The following NEBL variants were observed in gnomAD, a reference collection of about 807,000 sequenced individuals.
The protein encoded by NEBL is LIM and SH3 protein 2.
NEBL carries 122 observed loss-of-function variants against 140.2 expected under a neutral mutation model. The ratio of observed to expected loss-of-function variants is 0.87; its 90% confidence interval spans 0.75 to 1.01. NEBL has a LOEUF of 1.01. Among genes scored for constraint, NEBL ranks in the 50% least tolerant of loss-of-function variants. The pLI is 0.00. For synonymous variants in NEBL, 436 were observed against 398.9 expected (o/e 1.09, Z -1.11); for missense variants, 1,365 against 1,231.3 (o/e 1.11, Z -1.62).
At position 20,869,496 on chromosome 10, in the gene NEBL, ATAG is replaced by A. The variant is rs760618465; in HGVS notation, c.582+241_582+243del. Among the ~76,000 whole-genome samples, 45 of 152,298 alleles carry A rather than the reference ATAG, an allele frequency of 3.0e-4. 1 individual carries two copies. The East Asian group carries it at 6.0e-3, about 20-fold the overall frequency. ...CATCTGAATGTCAATTTATACCTAAATAGTATTTATTTCTCTAAAAGTATGATG... is the reference window on the plus strand; with the variant it reads ...CATCTGAATGTCAATTTATACCTAAATATTTATTTCTCTAAAAGTATGATG... On this transcript the variant is annotated intron_variant, in intron 6 of 27. Coordinates refer to ENST00000377122, the MANE Select transcript of NEBL (RefSeq NM_006393.3).
At chr10:21,067,680 C>G (rs889205128) in intron 2 of NEBL, among the ~76,000 whole-genome samples, 2 of 152,070 alleles carry the variant, frequency 1.3e-5, no homozygotes, top group African/African-American at 4.8e-5. Flanking sequence ...AGAACACCTT[C>G]CTATTAAAAT....
In NEBL at chr10:20,873,337, G is replaced by A. The variant is rs1233296628; in HGVS notation, c.481-3496C>T. On this transcript the variant is annotated intron_variant, in intron 5 of 27. Transcript: ENST00000377122. ...CTCTATAAATCTTGTTTTGCATAAGGACAGGGAAAAGAAGAAATCATCAAC... is the reference window on the plus strand; with the variant it reads ...CTCTATAAATCTTGTTTTGCATAAGAACAGGGAAAAGAAGAAATCATCAAC... Among the ~76,000 whole-genome samples the A allele has an allele frequency of 6.7e-4, 102 of 152,182 alleles. 2 individuals are homozygous for A. The highest frequency in any genetic ancestry group is 1.3e-4 in the Non-Finnish European group (9 of 68,022).
chr10:21,169,067 A>AAAAAAAATATATATAT (rs1554830679), intron 2 of NEBL, among the ~76,000 whole-genome samples: 1 of 23,074 alleles, frequency 4.3e-5, no homozygotes, highest in Admixed American at 7.6e-4. Context: ...AAAAAAAAAA[A>AAAAAAAATATATATAT]ATATATATAT....
chr10:20,942,609 A>G (rs1309906576), intron 4 of NEBL, among the ~76,000 whole-genome samples: 1 of 152,244 alleles, frequency 6.6e-6, no homozygotes, highest in Non-Finnish European at 1.5e-5. Context: ...TAAACTAAAG[A>G]GCTTCTGCAC....
In NEBL at chr10:21,204,466, C is replaced by T. The variant is rs115244765; in HGVS notation, n.349-31989G>A. Among the ~76,000 whole-genome samples the T allele has an allele frequency of 1.6e-3, 245 of 152,086 alleles. 1 individual carries two copies. Among genetic ancestry groups the T allele is most frequent in the African/African-American group, 5.5e-3 (230 of 41,486 alleles). Reference sequence around the variant, plus strand: ...TTCTCTCTCTCTCTCTCTTTCCATGCGCACATGATGACAGACCATATAAAG... The same window carrying T: ...TTCTCTCTCTCTCTCTCTTTCCATGTGCACATGATGACAGACCATATAAAG... On this transcript the variant is annotated intron_variant and non_coding_transcript_variant, in intron 3 of 8. Transcript: ENST00000675702.
At chr10:20,819,301 T>C (rs1410690393) in intron 20 of NEBL, 123 bp downstream of exon 20, 5 of 1,451,292 alleles carry the variant, frequency 3.4e-6, no homozygotes, top group African/African-American at 1.4e-5. Context: ...CTCATTATTA[T>C]GCAGTATTTG....
chr10:21,133,223 GC>G (rs1443745266), intron 2 of NEBL, among the ~76,000 whole-genome samples: 1 of 152,154 alleles, frequency 6.6e-6, no homozygotes, highest in Non-Finnish European at 1.5e-5. Flanking sequence ...TGAAGCTGCA[GC>G]CCTCACACCA....
Position 20,796,312 on chromosome 10 carries a change from T to C in NEBL, c.2762-9004A>G, listed in dbSNP as rs550114665. Among the ~76,000 whole-genome samples the C allele has an allele frequency of 2.9e-5, 4 of 139,238 alleles. No individual in the cohort carries two copies. The East Asian group carries it at 6.4e-4, about 22-fold the overall frequency. 91.3% of individuals were successfully genotyped at this position (139,238 alleles called of 152,430 possible). On this transcript the variant is annotated intron_variant, in intron 26 of 27. Coordinates refer to ENST00000377122, the MANE Select transcript of NEBL (RefSeq NM_006393.3). ...AGGCAGAGGTTGCAGTGAGCCGAGA[T>C]TGCACCATTGCACTCCAGCCTGGGG...
chr10:20,820,654 C>T (rs566378014), intron 19 of NEBL, among the ~76,000 whole-genome samples: 27 of 152,148 alleles, frequency 1.8e-4, no homozygotes, highest in African/African-American at 5.5e-4. Flanking sequence ...GGTGAAACCT[C>T]ATCTCTACTA....
At chr10:21,179,237 G>A (rs1841349237), upstream of NEBL, among the ~76,000 whole-genome samples, 1 of 152,116 alleles carries the variant, frequency 6.6e-6, no homozygotes, top group African/African-American at 2.4e-5. Flanking sequence ...TCGTTATTTG[G>A]GGCCTATTGC....
intron 2 of NEBL, among the ~76,000 whole-genome samples, chr10:21,167,798 T>C (rs1840846591): frequency 2.0e-5 from 3 of 152,212 alleles, no homozygotes; most frequent in Admixed American, 2.0e-4. Context: ...AATCATCAAG[T>C]GTTATTTTCT....
At chr10:20,964,361 T>C (rs2131623412) in intron 3 of NEBL, among the ~76,000 whole-genome samples, 1 of 152,106 alleles carries the variant, frequency 6.6e-6, no homozygotes. Context: ...AGAAAAGAGG[T>C]TTATTTGGCT....
At chr10:20,814,609 T>TACACACACACACACACACAC (rs1265684219) in intron 22 of NEBL, among the ~76,000 whole-genome samples, 71 of 98,372 alleles carry the variant, frequency 7.2e-4, no homozygotes, top group African/African-American at 3.3e-3. Flanking sequence ...AACACACACA[T>TACACACACACACACACACAC]ACACACATAC....
rs140633038 is a variant in NEBL at position 20,888,052 on chromosome 10, T to C, written c.369+45A>G. ...ACGCTAAGTAGCTTTTTTCCAGTTA[T>C]ATGTTTTATCTACAAAATCATGAAA... On this transcript the variant is annotated intron_variant, in intron 4 of 27. Transcript: ENST00000377122. 10 of 1,307,248 alleles carry C rather than the reference T, an allele frequency of 7.6e-6. No homozygotes were observed. The African/African-American group carries it at 1.0e-4, about 13-fold the overall frequency. The allele number at this position is 1,307,248 out of a possible 1,614,324, so 81.0% of individuals were successfully genotyped here.
chr10:21,244,513 A>G (rs896347478), intron 3 of NEBL, among the ~76,000 whole-genome samples: 14 of 151,418 alleles, frequency 9.2e-5, no homozygotes, highest in Admixed American at 5.9e-4. Flanking sequence ...TTAGCCGGGC[A>G]TGGTGGCCGG....
In NEBL at chr10:21,151,722, G is replaced by A. The variant is rs569230489; in HGVS notation, c.164+20661C>T. 3.9e-5 allele frequency among the ~76,000 whole-genome samples: 6 copies of A among 151,980 alleles called. No homozygotes were observed. In the East Asian group the frequency reaches 7.7e-4, roughly 20 times the overall value. On this transcript the variant is annotated intron_variant, in intron 2 of 6. Coordinates refer to the NEBL transcript ENST00000417816. ...TTCCCACACGCCCCAGGTTCACTCC[G>A]TGCCCTTGCTATTCCCTTGCCTATA... is the stretch of plus-strand genomic sequence containing the variant.
At chr10:20,806,921 T>A (rs1837664826) in intron 26 of NEBL, among the ~76,000 whole-genome samples, 1 of 152,228 alleles carries the variant, frequency 6.6e-6, no homozygotes, top group African/African-American at 2.4e-5. Flanking sequence ...TCAACATTAG[T>A]TCTTGTATTT....
rs377385301 is a variant in NEBL at position 21,133,544 on chromosome 10, T to G, written c.164+38839A>C. 4.6e-5 allele frequency among the ~76,000 whole-genome samples: 7 copies of G among 152,274 alleles called. No homozygotes were observed. In the South Asian group the frequency reaches 1.4e-3, roughly 32 times the overall value. On this transcript the variant is annotated intron_variant, in intron 2 of 6. Coordinates refer to the NEBL transcript ENST00000417816. ...TTTTCTGTGTATCAGATCCTCCCCA[T>G]CTTAAACTAAGAAGAGAAAACATAG...
chr10:21,035,746 A>T (rs1481507624), intron 2 of NEBL, among the ~76,000 whole-genome samples: 1 of 152,138 alleles, frequency 6.6e-6, no homozygotes, highest in Non-Finnish European at 1.5e-5. Context: ...TCAAAATCAT[A>T]CACATTTTCT....
Sources: allele counts gnomAD v4.1 joint callset (sites outside exome capture counted in the v4.1 genomes callset), GRCh38; gene constraint gnomAD v4.1.1; transcripts MANE v1.5; gene names NCBI Gene and HGNC (gene_info 2026-07-23, HGNC 2026-07-21).